The following SATL1 variants were observed in gnomAD, a reference collection of about 807,000 sequenced individuals.
The protein encoded by SATL1 is spermidine/spermine N1-acetyl transferase like 1, also known as spermidine/spermine N(1)-acetyltransferase-like protein 1.
In SATL1, 47 loss-of-function variants were observed where a neutral mutation model predicts 51.8. The observed-to-expected ratio is 0.91, with a 90% CI of 0.72 to 1.16. The LOEUF (loss-of-function observed/expected upper bound fraction) is 1.16. Ranked by LOEUF, SATL1 falls within the 50% of genes most tolerant of loss-of-function variation. The pLI, the probability that SATL1 is intolerant of heterozygous loss-of-function variation, is 0.00. For missense variants in SATL1, 520 were observed against 526.4 expected (o/e 0.99, Z 0.12); for synonymous variants, 176 against 182.4 (o/e 0.97, Z 0.28).
rs772183905 is a variant in SATL1 at position 85,195,027 on chromosome X, T to C, written c.-313+29178A>G. 1.8e-4 allele frequency among the ~76,000 whole-genome samples: 20 copies of C among 109,509 alleles called. No individual in the cohort carries two copies. The South Asian group carries it at 2.0e-3, about 11-fold the overall frequency. On this transcript the variant is annotated intron_variant, in intron 2 of 7. Transcript: ENST00000644105. ...CCCCAGGACTTAAAGTGTATATATA[T>C]ATATATATACATAAAAAGACAACAG...
chrX:85,223,599 T>A (rs1569250249), intron 2 of SATL1, among the ~76,000 whole-genome samples: 2 of 110,780 alleles, frequency 1.8e-5, no homozygotes, highest in Admixed American at 9.7e-5. Flanking sequence ...GTGGGTCAGA[T>A]CTAGGAGGAC....
intron 2 of SATL1, among the ~76,000 whole-genome samples, chrX:85,145,140 A>G (rs1926201629): frequency 8.9e-6 from 1 of 111,847 alleles, no homozygotes; most frequent in African/African-American, 3.3e-5. Context: ...TATTTAATCT[A>G]TCTGTCTAAA....
At chrX:85,204,401 A>C (rs1207408929) in intron 2 of SATL1, among the ~76,000 whole-genome samples, 1 of 110,533 alleles carries the variant, frequency 9.0e-6, no homozygotes, top group African/African-American at 3.3e-5. Context: ...CATCTTGGCC[A>C]CTCCTCCCAT....
At chrX:85,198,627 A>G (rs1199778438) in intron 2 of SATL1, among the ~76,000 whole-genome samples, 3 of 111,050 alleles carry the variant, frequency 2.7e-5, no homozygotes, top group Non-Finnish European at 5.7e-5. Context: ...GTGGGTACAT[A>G]ATAGGTATAT....
At chrX:85,129,707 G>A (rs1478697201) in intron 2 of SATL1, among the ~76,000 whole-genome samples, 4 of 111,428 alleles carry the variant, frequency 3.6e-5, no homozygotes, top group Non-Finnish European at 7.5e-5. Flanking sequence ...GTGAGAGAGG[G>A]CATCCCTCTC....
At chrX:85,122,786 GT>G (rs1458801019) in intron 2 of SATL1, among the ~76,000 whole-genome samples, 1 of 111,526 alleles carries the variant, frequency 9.0e-6, no homozygotes, top group African/African-American at 3.3e-5. Flanking sequence ...TTGATAGGTA[GT>G]TTTTTAATCC....
intron 2 of SATL1, among the ~76,000 whole-genome samples, chrX:85,118,021 A>T (rs894484736): frequency 3.8e-5 from 4 of 104,112 alleles, no homozygotes; most frequent in Non-Finnish European, 7.8e-5. Flanking sequence ...CGCAAGATGG[A>T]TCTGGGGGCT....
chrX:85,160,946 T>A (rs1019969230), intron 2 of SATL1, among the ~76,000 whole-genome samples: 1 of 111,382 alleles, frequency 9.0e-6, no homozygotes, highest in Non-Finnish European at 1.9e-5. Flanking sequence ...GCCACGTACA[T>A]CAGACTAACA....
intron 2 of SATL1, among the ~76,000 whole-genome samples, chrX:85,213,410 C>G (rs1029218364): frequency 1.8e-5 from 2 of 111,615 alleles, no homozygotes; most frequent in Admixed American, 9.5e-5. Flanking sequence ...TTAAAAATAT[C>G]AATCAGAGAA....
chrX:85,133,248 G>C (rs1357929000), intron 2 of SATL1, among the ~76,000 whole-genome samples: 1 of 112,334 alleles, frequency 8.9e-6, no homozygotes, highest in Admixed American at 9.4e-5. Flanking sequence ...GTTCAGCTAT[G>C]CCGTGCCTCC....
chrX:85,149,672 A>C (rs774862071), intron 2 of SATL1, among the ~76,000 whole-genome samples: 2 of 110,999 alleles, frequency 1.8e-5, no homozygotes, highest in Non-Finnish European at 3.8e-5. Context: ...ACTCAAAACC[A>C]CTCAACTACA....
intron 2 of SATL1, among the ~76,000 whole-genome samples, chrX:85,121,125 A>G (rs1279158566): frequency 1.8e-5 from 2 of 110,532 alleles, no homozygotes; most frequent in Admixed American, 9.8e-5. Context: ...TTTTATCTGT[A>G]AAATGGAAAT....
At chrX:85,144,346 A>G (rs910585607) in intron 2 of SATL1, among the ~76,000 whole-genome samples, 5 of 111,629 alleles carry the variant, frequency 4.5e-5, no homozygotes, top group African/African-American at 1.6e-4. Flanking sequence ...TAGGAAAAAA[A>G]TACGCTCTAC....
Position 85,107,328 on chromosome X carries a change from T to C in SATL1, c.1641A>G (p.Lys547=). Residue 547 remains lysine, a splice_region_variant and synonymous_variant, in exon 3 of 8, where the codon AAA becomes AAG. Transcript: ENST00000644105. ...GDCPEILRLI[K]ELAACENMLD... Reference sequence around the variant, plus strand: ...CTCCATGTAATAAAAATAGGCTTACTTTAATCAGTCGCAAAATTTCTGGGC... The same window carrying C: ...CTCCATGTAATAAAAATAGGCTTACCTTAATCAGTCGCAAAATTTCTGGGC... 1.7e-6 allele frequency: 2 copies of C among 1,207,414 alleles called. No individual in the cohort carries two copies. Among genetic ancestry groups the C allele is most frequent in the Non-Finnish European group, 2.2e-6 (2 of 891,445 alleles).
At chrX:85,180,213 A>T (rs1452478669) in intron 2 of SATL1, among the ~76,000 whole-genome samples, 3 of 111,496 alleles carry the variant, frequency 2.7e-5, no homozygotes, top group African/African-American at 9.8e-5. Flanking sequence ...CAGAGTAGGC[A>T]GATCACTGTC....
intron 1 of SATL1, among the ~76,000 whole-genome samples, chrX:85,238,915 A>G (rs1420044350): frequency 9.0e-6 from 1 of 111,056 alleles, no homozygotes; most frequent in East Asian, 2.8e-4. Context: ...ATGAAAGAGT[A>G]AAGTGGTGAT....
intron 2 of SATL1, among the ~76,000 whole-genome samples, chrX:85,178,821 C>T (rs1388200925): frequency 9.0e-6 from 1 of 111,359 alleles, no homozygotes; most frequent in African/African-American, 3.3e-5. Context: ...CTATAGTTCT[C>T]ATTATTCTAT....
At chrX:85,169,048 G>T (rs1926911884) in intron 2 of SATL1, among the ~76,000 whole-genome samples, 1 of 112,360 alleles carries the variant, frequency 8.9e-6, no homozygotes, top group African/African-American at 3.2e-5. Flanking sequence ...AATAAATGGT[G>T]CTGGGTTAAG....
At chrX:85,110,252 C>G (rs776479748) in intron 2 of SATL1, among the ~76,000 whole-genome samples, 3 of 111,080 alleles carry the variant, frequency 2.7e-5, no homozygotes, top group African/African-American at 6.6e-5. Context: ...TCGGTCCAGC[C>G]TCTTAAACAC....
Sources: allele counts gnomAD v4.1 joint callset (sites outside exome capture counted in the v4.1 genomes callset), GRCh38; gene constraint gnomAD v4.1.1; transcripts MANE v1.5; gene names NCBI Gene and HGNC (gene_info 2026-07-23, HGNC 2026-07-21).